CCDC141: variants seen among roughly 807,000 people sequenced by gnomAD.
CCDC141 encodes the protein coiled-coil domain containing 141.
In CCDC141, 168 loss-of-function variants were observed where a neutral mutation model predicts 181.0. The ratio of observed to expected loss-of-function variants is 0.93; its 90% CI spans 0.82 to 1.05. The LOEUF is 1.05. Among genes scored for constraint, CCDC141 ranks in the 50% least tolerant of loss-of-function variants. The pLI, the probability that CCDC141 is intolerant of heterozygous loss-of-function variation, is 0.00. For synonymous variants in CCDC141, 666 were observed against 642.3 expected (o/e 1.04, Z -0.56); for missense variants, 1,902 against 1,788.5 (o/e 1.06, Z -1.14).
intron 11 of CCDC141, among the ~76,000 whole-genome samples, chr2:178,879,860 C>T (rs1351339899): frequency 1.3e-5 from 2 of 152,178 alleles, no homozygotes; most frequent in Middle Eastern, 3.2e-3. Context: ...TGAAGACACT[C>T]GCTGATTCAG....
chr2:178,977,496 T>C, intron 3 of CCDC141, among the ~76,000 whole-genome samples: 1 of 152,182 alleles, frequency 6.6e-6, no homozygotes, highest in East Asian at 1.9e-4. Context: ...TTTTCCAAGA[T>C]GGTCTCTGAA....
chr2:178,832,520 C>CCTAGAATG lies in CCDC141; in HGVS notation c.*1645_*1652dup, dbSNP rs1684299747. ...AAAAAAAGATAGTTAAGAGAAATTT[C>CCTAGAATG]CTAGAATGCTGTGTATACAAGCTTT... On this transcript the variant is annotated 3_prime_UTR_variant, in exon 24 of 24. Transcript: ENST00000443758. 6.8e-6 allele frequency: 1 copy of CCTAGAATG among 148,144 alleles called. No homozygotes were observed. Among genetic ancestry groups the CCTAGAATG allele is most frequent in the Non-Finnish European group, 1.5e-5 (1 of 67,000 alleles). The allele number at this position is 148,144 out of a possible 1,614,324, so 9.2% of individuals were successfully genotyped here.
At chr2:178,852,256 A>G (rs1013828431) in intron 20 of CCDC141, among the ~76,000 whole-genome samples, 1 of 152,202 alleles carries the variant, frequency 6.6e-6, no homozygotes, top group Non-Finnish European at 1.5e-5. Context: ...GGTCTTTGTC[A>G]GCACTTCTCA....
At chr2:179,016,596 G>T (rs2042549480) in intron 2 of CCDC141, among the ~76,000 whole-genome samples, 1 of 152,068 alleles carries the variant, frequency 6.6e-6, no homozygotes, top group Non-Finnish European at 1.5e-5. Context: ...ATCTAACCCA[G>T]TACCTGACAC....
At chr2:178,922,196 G>A (rs1688722659) in intron 6 of CCDC141, among the ~76,000 whole-genome samples, 1 of 152,162 alleles carries the variant, frequency 6.6e-6, no homozygotes, top group Non-Finnish European at 1.5e-5. Context: ...TGTTAGTGGT[G>A]TGCTAAATGC....
chr2:178,917,969 G>A (rs1199882409), intron 7 of CCDC141, among the ~76,000 whole-genome samples: 2 of 152,198 alleles, frequency 1.3e-5, no homozygotes, highest in African/African-American at 4.8e-5. Flanking sequence ...GTAAATTAAA[G>A]AGGATGAATA....
chr2:178,836,410 T>G (rs1220966475), intron 23 of CCDC141: 1 of 153,118 alleles, frequency 6.5e-6, no homozygotes, highest in Admixed American at 6.5e-5. Context: ...GAAATCCTAG[T>G]AAAACAAAAT....
At chr2:178,956,549 C>G (rs752109012) in intron 5 of CCDC141, among the ~76,000 whole-genome samples, 2 of 152,098 alleles carry the variant, frequency 1.3e-5, no homozygotes, top group Non-Finnish European at 2.9e-5. Context: ...GCAGTTTGCC[C>G]GCCTCACCTC....
chr2:178,834,360 G>A lies in CCDC141; in HGVS notation c.4406C>T (p.Pro1469Leu). The change falls in exon 24 of 24, where the codon CCA (proline) becomes CTA (leucine). Residue 1469 changes from proline to leucine, a missense_variant. Physicochemically the swap from Pro to Leu is moderately conservative, Grantham distance 98. Coordinates refer to ENST00000443758, the MANE Select transcript of CCDC141 (RefSeq NM_173648.4). ...GCCTGCGTCTGCCTTGCATACCTTT[G>A]GAATGAACACCGAATGCCTTGTCTC... ...HKETRHSVFI[P>L]KVCKADAGLY... 1 of 1,536,240 alleles carries A rather than the reference G, an allele frequency of 6.5e-7. No homozygotes were observed.
chr2:178,909,860 T>C (rs759959121), intron 7 of CCDC141, among the ~76,000 whole-genome samples: 2 of 152,208 alleles, frequency 1.3e-5, no homozygotes, highest in Non-Finnish European at 2.9e-5. Context: ...TTTTCCTTCA[T>C]ATATCTCTCT....
At chr2:178,937,802 G>A (rs973495818) in intron 6 of CCDC141, among the ~76,000 whole-genome samples, 2 of 151,948 alleles carry the variant, frequency 1.3e-5, no homozygotes, top group Non-Finnish European at 2.9e-5. Context: ...TTCAGTCTTG[G>A]GAGGTATATG....
At chr2:178,825,769 A>C (rs982134823), downstream of CCDC141, among the ~76,000 whole-genome samples, 1 of 152,088 alleles carries the variant, frequency 6.6e-6, no homozygotes, top group Admixed American at 6.6e-5. Context: ...GTCTCTGGAG[A>C]TGCCTGATCA....
intron 6 of CCDC141, among the ~76,000 whole-genome samples, chr2:178,928,225 C>T (rs1688979852): frequency 6.6e-6 from 1 of 152,082 alleles, no homozygotes; most frequent in South Asian, 2.1e-4. Context: ...GTGATGAGTG[C>T]AGTTTTGGGT....
At chr2:178,960,901 C>T (rs1440087443) in intron 5 of CCDC141, among the ~76,000 whole-genome samples, 2 of 152,128 alleles carry the variant, frequency 1.3e-5, no homozygotes, top group Non-Finnish European at 2.9e-5. Flanking sequence ...AAGAAAATTG[C>T]AATTAACATT....
At chr2:178,905,250 A>G (rs1687909044) in intron 8 of CCDC141, 79 bp downstream of exon 8, 1 of 1,274,314 alleles carries the variant, frequency 7.8e-7, no homozygotes, top group Non-Finnish European at 1.1e-6. Flanking sequence ...GAAAAAGACA[A>G]TCATGCATCT....
At chr2:179,024,623 A>G (rs1198961505) in intron 2 of CCDC141, among the ~76,000 whole-genome samples, 1 of 133,684 alleles carries the variant, frequency 7.5e-6, no homozygotes, top group African/African-American at 4.1e-5. Flanking sequence ...AAGCTCTCCA[A>G]GAAGGTTTCA....
intron 1 of CCDC141, among the ~76,000 whole-genome samples, chr2:179,049,252 C>T (rs938704691): frequency 6.6e-6 from 1 of 152,188 alleles, no homozygotes; most frequent in Non-Finnish European, 1.5e-5. Flanking sequence ...TGACACAAAG[C>T]TTTTGTACCT....
rs1561620156 is a variant in CCDC141, at chr2:178,837,117, C to T, written c.4102G>A (p.Ala1368Thr). 6.2e-7 allele frequency: 1 copy of T among 1,613,972 alleles called. No homozygotes were observed. Among genetic ancestry groups the T allele is most frequent in the Non-Finnish European group, 8.5e-7 (1 of 1,179,962 alleles). ...GATTGAAACCTGAGGCCCGAGAATG[C>T]ATCAGAGGAAGCATGCAGCCTATCT... The part of the protein sequence containing the change: ...TQDRLHASSD[A>T]FSGLRFQSGT... The change falls in exon 23 of 24, where the codon GCA becomes ACA. Residue 1368 changes from alanine to threonine, a missense_variant. By Grantham distance (58) the Ala-to-Thr change is moderately conservative. Coordinates refer to ENST00000443758, the MANE Select transcript of CCDC141 (RefSeq NM_173648.4).
In CCDC141 at chr2:178,944,641, C is replaced by A; in HGVS notation, c.791G>T (p.Trp264Leu). The A allele has an allele frequency of 6.7e-7, 1 of 1,482,082 alleles. No homozygotes were observed. The highest frequency in any genetic ancestry group is 1.3e-5 in the South Asian group (1 of 77,788). 91.8% of individuals were successfully genotyped at this position (1,482,082 alleles called of 1,614,324 possible). A position where few individuals can be genotyped will look rare whatever the true frequency, so the allele number is the denominator to read the frequency against. Residue 264 changes from tryptophan to leucine, a missense_variant, in exon 6 of 24, where the codon TGG becomes TTG. Transcript: ENST00000443758. ...WDQQENQVTCWFQKTIRNLQE... is the reference protein window; with the variant it reads ...WDQQENQVTCLFQKTIRNLQE... The stretch of plus-strand genomic sequence containing the variant: ...TAAATTTCTTATAGTTTTCTGAAAC[C>A]AACAAGTAACCTAGGTAAAAGGCAA...
Sources: gnomAD v4.1 joint callset for allele counts (sites outside exome capture counted in the v4.1 genomes callset) on GRCh38, gnomAD v4.1.1 for gene constraint, MANE v1.5 for transcripts, NCBI Gene and HGNC (gene_info 2026-07-23, HGNC 2026-07-21) for gene names.